The following TTC33 variants were observed in gnomAD, a reference collection of about 807,000 sequenced individuals.
The protein encoded by TTC33 is tetratricopeptide repeat domain 33, also known as tetratricopeptide repeat protein 33.
TTC33 carries 24 observed loss-of-function variants against 29.4 expected under a neutral mutation model. The observed-to-expected ratio is 0.82, with a 90% CI of 0.59 to 1.15. The LOEUF (loss-of-function observed/expected upper bound fraction) is 1.15, where lower values mean the gene tolerates loss of function less well. TTC33 is among the 50% of genes most tolerant of loss of function. The pLI is 0.00. For synonymous variants in TTC33, 107 were observed against 100.3 expected (o/e 1.07, Z -0.40); for missense variants, 286 against 310.4 (o/e 0.92, Z 0.59).
rs1741943890 is a variant in TTC33, at chr5:40,713,758, G to GA, written c.*2386dup. On this transcript the variant is annotated 3_prime_UTR_variant, in exon 5 of 5. Transcript: ENST00000337702. ...TTGAACAGTAAACAGTGTTATTTCA[G>GA]AAAGTATATTAAACATCTATATCAT... Among the ~76,000 whole-genome samples the GA allele has an allele frequency of 6.6e-6, 1 of 152,070 alleles. No individual in the cohort carries two copies. The highest frequency in any genetic ancestry group is 2.4e-5 in the African/African-American group (1 of 41,402).
In TTC33 at chr5:40,748,987, G is replaced by A. The variant is rs1455499651; in HGVS notation, c.-1-1968C>T. Among the ~76,000 whole-genome samples the A allele has an allele frequency of 9.9e-5, 15 of 152,102 alleles. No individual in the cohort carries two copies. In the South Asian group the frequency reaches 1.5e-3, roughly 15 times the overall value. ...CTAAAAATACAAAAATTAGCCAGGCGTGGTGGTACATGCCTGTAATCCCAG... is the reference window on the plus strand; with the variant it reads ...CTAAAAATACAAAAATTAGCCAGGCATGGTGGTACATGCCTGTAATCCCAG... On this transcript the variant is annotated intron_variant, in intron 1 of 4. Transcript: ENST00000337702.
At chr5:40,722,090 CA>C in intron 4 of TTC33, among the ~76,000 whole-genome samples, 1 of 152,304 alleles carries the variant, frequency 6.6e-6, no homozygotes, top group Admixed American at 6.5e-5. Flanking sequence ...TCATGAGTCC[CA>C]GCTACTCGGG....
chr5:40,747,350 G>A (rs1742815652), intron 1 of TTC33, among the ~76,000 whole-genome samples: 2 of 152,124 alleles, frequency 1.3e-5, no homozygotes, highest in South Asian at 4.2e-4. Context: ...GAGCCACCAC[G>A]CCCGGCCCAA....
rs771874459 is a variant in TTC33, at chr5:40,747,003, A to C, written c.16T>G (p.Trp6Gly). 1 of 1,610,310 alleles carries C rather than the reference A, an allele frequency of 6.2e-7. No homozygotes were observed. The highest frequency in any genetic ancestry group is 8.5e-7 in the Non-Finnish European group (1 of 1,179,028). Residue 6 changes from tryptophan (W) to glycine (G), a missense_variant, in exon 2 of 5, where the codon TGG becomes GGG. Trp to Gly is a radical substitution (Grantham distance 184, BLOSUM62 -2). Transcript: ENST00000337702. The stretch of plus-strand genomic sequence containing the variant: ...ACCTTCTCACCAATTTTCCTCTTCC[A>C]CCCAAAGGAAGCCATTCTGGAAAAT... Reference protein sequence around the residue: MASFGWKRKIGEKVSK... With the variant: MASFGGKRKIGEKVSK...
chr5:40,734,308 T>C (rs938435456), intron 2 of TTC33, among the ~76,000 whole-genome samples: 3 of 98,550 alleles, frequency 3.0e-5, no homozygotes, highest in African/African-American at 8.1e-5. Flanking sequence ...TTAATTCAAC[T>C]TCAGTTTGGA....
intron 2 of TTC33, among the ~76,000 whole-genome samples, chr5:40,745,292 T>C (rs1742769050): frequency 6.8e-6 from 1 of 147,992 alleles, no homozygotes; most frequent in African/African-American, 2.5e-5. Flanking sequence ...GTAGGTTTGA[T>C]AAAAGATATG....
In TTC33 at chr5:40,713,929, A is replaced by G. The variant is rs1741947596; in HGVS notation, c.*2216T>C. 6.6e-6 allele frequency among the ~76,000 whole-genome samples: 1 copy of G among 152,188 alleles called. No homozygotes were observed. The highest frequency in any genetic ancestry group is 6.6e-5 in the Admixed American group (1 of 15,264). On this transcript the variant is annotated 3_prime_UTR_variant, in exon 5 of 5. Coordinates refer to ENST00000337702, the MANE Select transcript of TTC33 (RefSeq NM_012382.3). The stretch of plus-strand genomic sequence containing the variant: ...CACGCATAGAAGAGTATGAGCTAAA[A>G]TAAGCATTTTGAGGGGCCTGCAGAA...
intron 4 of TTC33, among the ~76,000 whole-genome samples, chr5:40,725,748 T>C (rs573497607): frequency 6.7e-6 from 1 of 150,176 alleles, no homozygotes; most frequent in Admixed American, 6.6e-5. Context: ...CATTCCCTCA[T>C]ACAGAATTTT....
At chr5:40,725,974 A>C (rs935734428) in intron 4 of TTC33, among the ~76,000 whole-genome samples, 5 of 151,292 alleles carry the variant, frequency 3.3e-5, no homozygotes, top group Non-Finnish European at 7.4e-5. Flanking sequence ...TTTAGTAGAG[A>C]CGGGGTTTCA....
chr5:40,750,428 C>T (rs1231097390), intron 1 of TTC33, among the ~76,000 whole-genome samples: 2 of 152,078 alleles, frequency 1.3e-5, no homozygotes, highest in African/African-American at 4.8e-5. Flanking sequence ...CGTGGTGGTA[C>T]ACATCTGTAG....
intron 4 of TTC33, among the ~76,000 whole-genome samples, chr5:40,725,784 CT>C (rs35070396): frequency 0.098 from 12,356 of 125,938 alleles, 409 homozygotes; most frequent in Non-Finnish European, 0.15. Flanking sequence ...TTCTCTTCAG[CT>C]TTTTTTTTTT....
intron 4 of TTC33, among the ~76,000 whole-genome samples, chr5:40,722,183 TGACAGAGGGAGA>T (rs1742149458): frequency 5.9e-5 from 9 of 151,806 alleles, no homozygotes; most frequent in Admixed American, 4.6e-4. Flanking sequence ...CCAGCCTGGG[TGACAGAGGGAGA>T]CTCTGTCTCA....
chr5:40,718,399 C>G (rs1420797811), intron 4 of TTC33, among the ~76,000 whole-genome samples: 3 of 149,598 alleles, frequency 2.0e-5, no homozygotes. Flanking sequence ...GAGCAAGACT[C>G]TGTCTCAAAA....
intron 2 of TTC33, among the ~76,000 whole-genome samples, chr5:40,739,137 A>AGT (rs1254214207): frequency 6.6e-6 from 1 of 152,004 alleles, no homozygotes; most frequent in African/African-American, 2.4e-5. Flanking sequence ...CTAGTACTAT[A>AGT]AAGGTATAAC....
intron 4 of TTC33, among the ~76,000 whole-genome samples, chr5:40,724,292 T>A (rs1742227207): frequency 6.6e-6 from 1 of 152,206 alleles, no homozygotes; most frequent in South Asian, 2.1e-4. Flanking sequence ...TTCTGCATAA[T>A]TCCACTTATA....
Position 40,713,011 on chromosome 5 carries a change from A to C in TTC33, c.*3134T>G, listed in dbSNP as rs1162308742. 2.6e-5 allele frequency among the ~76,000 whole-genome samples: 4 copies of C among 152,116 alleles called. No homozygotes were observed. Among genetic ancestry groups the C allele is most frequent in the Non-Finnish European group, 5.9e-5 (4 of 68,018 alleles). ...TCTGTTTTATAATTTATATATTTCA[A>C]TATCTTATTATTGGTAAGAAAAACT... On this transcript the variant is annotated 3_prime_UTR_variant, in exon 5 of 5. Coordinates refer to ENST00000337702, the MANE Select transcript of TTC33 (RefSeq NM_012382.3).
At chr5:40,752,526 G>T (rs1742914184) in intron 1 of TTC33, among the ~76,000 whole-genome samples, 1 of 152,158 alleles carries the variant, frequency 6.6e-6, no homozygotes, top group Admixed American at 6.6e-5. Flanking sequence ...TTTCAATATT[G>T]CTGTGTCTCA....
intron 2 of TTC33, among the ~76,000 whole-genome samples, chr5:40,745,281 T>C (rs1182416600): frequency 2.0e-5 from 3 of 150,558 alleles, no homozygotes; most frequent in African/African-American, 7.4e-5. Flanking sequence ...TGTTAATTTT[T>C]GTAGGTTTGA....
chr5:40,728,377 G>A lies in TTC33; in HGVS notation c.403C>T (p.Arg135Cys), dbSNP rs759219177. ...ATCTCTCCTAAACCAAGTTGAGCACGTCCCAAAGTCTGCCAAGACTCCCAT... is the reference window on the plus strand; with the variant it reads ...ATCTCTCCTAAACCAAGTTGAGCACATCCCAAAGTCTGCCAAGACTCCCAT... ...HSWESWQTLG[R>C]AQLGLGEIIL... is the part of the protein sequence containing the mutation. Residue 135 changes from arginine to cysteine, a missense_variant, in exon 4 of 5, where the codon CGT (arginine) becomes TGT (cysteine). Transcript: ENST00000337702. 2.1e-5 allele frequency: 33 copies of A among 1,607,592 alleles called. No individual in the cohort carries two copies. The highest frequency in any genetic ancestry group is 3.4e-5 in the Admixed American group (2 of 59,528).
Sources: allele counts gnomAD v4.1 joint callset (sites outside exome capture counted in the v4.1 genomes callset), GRCh38; gene constraint gnomAD v4.1.1; transcripts MANE v1.5; gene names NCBI Gene and HGNC (gene_info 2026-07-23, HGNC 2026-07-21).